EFHD1: variants seen among roughly 807,000 people sequenced by gnomAD.
EFHD1 encodes the protein EF-hand domain family member D1.
EFHD1 carries 10 observed loss-of-function variants against 17.2 expected under a neutral mutation model. The ratio of observed to expected loss-of-function variants is 0.58; its 90% confidence interval spans 0.36 to 0.99. The LOEUF (loss-of-function observed/expected upper bound fraction) is 0.99. EFHD1 is among the 50% of genes least tolerant of loss of function. EFHD1 has a pLI of 0.01. For synonymous variants in EFHD1, 153 were observed against 142.0 expected (o/e 1.08, Z -0.55); for missense variants, 310 against 327.5 (o/e 0.95, Z 0.41).
chr2:232,627,952 G>A (rs941736219), intron 1 of EFHD1, among the ~76,000 whole-genome samples: 12 of 152,128 alleles, frequency 7.9e-5, no homozygotes, highest in East Asian at 3.9e-4. Flanking sequence ...TAAAACCATC[G>A]TCACTATCTA....
chr2:232,626,417 G>T (rs944224577), intron 1 of EFHD1, among the ~76,000 whole-genome samples: 16 of 151,506 alleles, frequency 1.1e-4, no homozygotes, highest in Admixed American at 5.9e-4. Flanking sequence ...GCGTGGTGGT[G>T]CATGCCTATA....
chr2:232,610,695 T>C (rs1693800670), intron 1 of EFHD1: 1 of 151,692 alleles, frequency 6.6e-6, no homozygotes, highest in African/African-American at 2.4e-5. Context: ...CTGGGCAACA[T>C]GGCAAAACTA....
At chr2:232,631,262 T>TTCTC (rs372033136), upstream of EFHD1, among the ~76,000 whole-genome samples, 8 of 148,896 alleles carry the variant, frequency 5.4e-5, no homozygotes, top group Admixed American at 1.3e-4. Flanking sequence ...CATGCAAAGT[T>TTCTC]TCTCTCTCTC....
intron 1 of EFHD1, among the ~76,000 whole-genome samples, chr2:232,657,689 T>C (rs1410898128): frequency 6.6e-6 from 1 of 151,138 alleles, no homozygotes; most frequent in Non-Finnish European, 1.5e-5. Flanking sequence ...TGGGCGCCTG[T>C]AATCCCAGCT....
At chr2:232,611,707 C>G (rs563902077) in intron 1 of EFHD1, 2 of 152,428 alleles carry the variant, frequency 1.3e-5, no homozygotes, top group East Asian at 3.9e-4. Context: ...CCTTTGCCCA[C>G]GCCCAAGAGA....
chr2:232,621,878 C>T (rs796382226), intron 1 of EFHD1, among the ~76,000 whole-genome samples: 8 of 152,212 alleles, frequency 5.3e-5, no homozygotes, highest in African/African-American at 1.7e-4. Flanking sequence ...TCTCACCCCT[C>T]TGTGCCCATG....
intron 1 of EFHD1, among the ~76,000 whole-genome samples, chr2:232,660,177 T>TTTA (rs1694832333): frequency 9.4e-6 from 1 of 106,154 alleles, no homozygotes. Flanking sequence ...ATTTATTTAT[T>TTTA]TTATTTTATT....
chr2:232,649,688 C>T (rs1237379724), intron 1 of EFHD1, among the ~76,000 whole-genome samples: 3 of 152,134 alleles, frequency 2.0e-5, no homozygotes, highest in African/African-American at 4.8e-5. Flanking sequence ...TTGGGCCCCT[C>T]GACCACTCTG....
At chr2:232,642,406 A>C (rs1172853408) in intron 1 of EFHD1, among the ~76,000 whole-genome samples, 1 of 146,348 alleles carries the variant, frequency 6.8e-6, no homozygotes, top group Non-Finnish European at 1.5e-5. Flanking sequence ...AAGACAAATG[A>C]GAAACAAAAG....
intron 3 of EFHD1, among the ~76,000 whole-genome samples, chr2:232,676,682 C>T (rs900806378): frequency 2.0e-5 from 3 of 152,134 alleles, no homozygotes; most frequent in African/African-American, 7.2e-5. Context: ...GAGCTAACTT[C>T]ACAAGATACA....
At chr2:232,615,269 G>T (rs982139818) in intron 1 of EFHD1, among the ~76,000 whole-genome samples, 3 of 151,652 alleles carry the variant, frequency 2.0e-5, no homozygotes, top group Non-Finnish European at 4.4e-5. Flanking sequence ...TTTACTGTTG[G>T]GGGGGCATCC....
At chr2:232,653,140 C>G (rs1694690133) in intron 1 of EFHD1, among the ~76,000 whole-genome samples, 1 of 151,934 alleles carries the variant, frequency 6.6e-6, no homozygotes, top group Non-Finnish European at 1.5e-5. Flanking sequence ...ATTATAGCCA[C>G]CCACCACCAC....
chr2:232,656,148 A>G (rs2106207476), intron 1 of EFHD1, among the ~76,000 whole-genome samples: 1 of 152,026 alleles, frequency 6.6e-6, no homozygotes. Context: ...GCTGCTTCCC[A>G]CTGACCAGGC....
rs1167937667 is a variant in EFHD1, at chr2:232,669,105, G to A, written c.451-3204G>A. Among the ~76,000 whole-genome samples, 6 of 152,164 alleles carry A rather than the reference G, an allele frequency of 3.9e-5. No individual in the cohort carries two copies. In the South Asian group the frequency reaches 1.2e-3, roughly 32 times the overall value. On this transcript the variant is annotated intron_variant, in intron 2 of 3. Transcript: ENST00000264059. ...AGTATGTCAGTCCCTCTCTCCACAT[G>A]CCTCTCATCCGCAGCCCTGAAGTCT...
intron 1 of EFHD1, among the ~76,000 whole-genome samples, chr2:232,652,980 TG>T (rs1254057919): frequency 6.6e-6 from 1 of 152,056 alleles, no homozygotes. Context: ...TTATACTTTT[TG>T]TTTGGTGGGG....
At chr2:232,609,908 G>A (rs1052325169) in intron 1 of EFHD1, among the ~76,000 whole-genome samples, 20 of 152,192 alleles carry the variant, frequency 1.3e-4, no homozygotes, top group Non-Finnish European at 2.2e-4. Context: ...AGAGAGTAAC[G>A]TGGGAGAAGC....
At chr2:232,649,342 G>A (rs1037045972) in intron 1 of EFHD1, among the ~76,000 whole-genome samples, 2 of 152,222 alleles carry the variant, frequency 1.3e-5, no homozygotes, top group African/African-American at 2.4e-5. Flanking sequence ...CTACCGCTCA[G>A]TGGTGGCCTC....
chr2:232,682,464 G>A lies in EFHD1; in HGVS notation c.*745G>A, dbSNP rs528900218. On this transcript the variant is annotated 3_prime_UTR_variant, in exon 4 of 4. Coordinates refer to ENST00000264059, the MANE Select transcript of EFHD1 (RefSeq NM_025202.4). The stretch of plus-strand genomic sequence containing the variant: ...ACGAAAGAATAGTTAGGATACCAAT[G>A]AGTAAAAGGGTTCCTGTTCACTCTG... 2 of 152,360 alleles carry A rather than the reference G, an allele frequency of 1.3e-5. No homozygotes were observed. The highest frequency in any genetic ancestry group is 1.3e-4 in the Admixed American group (2 of 15,290). The allele number at this position is 152,360 out of a possible 1,614,324, so 9.4% of individuals were successfully genotyped here.
intron 2 of EFHD1, among the ~76,000 whole-genome samples, chr2:232,663,626 A>G (rs904628147): frequency 1.3e-5 from 2 of 152,108 alleles, no homozygotes; most frequent in Non-Finnish European, 2.9e-5. Flanking sequence ...TTGGCCTTCC[A>G]AATTGCTGAG....
Sources: gnomAD v4.1 joint callset for allele counts (sites outside exome capture counted in the v4.1 genomes callset) on GRCh38, gnomAD v4.1.1 for gene constraint, MANE v1.5 for transcripts, NCBI Gene and HGNC (gene_info 2026-07-23, HGNC 2026-07-21) for gene names.